The following CDH7 variants were observed in gnomAD, a reference collection of about 807,000 sequenced individuals.
The protein encoded by CDH7 is cadherin-7.
A neutral mutation model predicts 71.8 loss-of-function variants in CDH7; 25 were observed. That is an observed-to-expected ratio of 0.35 (90% CI 0.25 to 0.49). The LOEUF is 0.49. Among genes scored for constraint, CDH7 ranks in the 20% least tolerant of loss-of-function variants. The probability of loss-of-function intolerance (pLI) is 0.99; values close to 1 mark genes in which losing one functional copy is unlikely to be tolerated. For missense variants in CDH7, 862 were observed against 974.6 expected, an observed-to-expected ratio of 0.88 and a Z score of 1.54; for synonymous variants, 381 against 363.8, an observed-to-expected ratio of 1.05 and a Z score of -0.54.
chr18:65,848,941 G>A (rs1913031330), intron 7 of CDH7, among the ~76,000 whole-genome samples: 1 of 152,082 alleles, frequency 6.6e-6, no homozygotes, highest in African/African-American at 2.4e-5. Flanking sequence ...GAACATATTT[G>A]GGGTGTTTGA....
intron 4 of CDH7, among the ~76,000 whole-genome samples, chr18:65,818,920 C>T (rs1911817825): frequency 6.6e-6 from 1 of 152,146 alleles, no homozygotes; most frequent in Non-Finnish European, 1.5e-5. Flanking sequence ...ATGGCCATAC[C>T]AAATGGCTTT....
At chr18:65,806,509 C>T (rs1335958180) in intron 2 of CDH7, among the ~76,000 whole-genome samples, 1 of 152,040 alleles carries the variant, frequency 6.6e-6, no homozygotes, top group Non-Finnish European at 1.5e-5. Context: ...AGCACAAATA[C>T]TTGTCTTTGG....
In CDH7 at chr18:65,881,471, A is replaced by T. The variant is rs1464232088; in HGVS notation, c.*577A>T. On this transcript the variant is annotated 3_prime_UTR_variant, in exon 12 of 12. Coordinates refer to ENST00000397968, the MANE Select transcript of CDH7 (RefSeq NM_004361.5). ...TTCCCAGAAATTCCTTCCTAACTGA[A>T]AACCCTACCACAAAAGCCAGTAAAA... 2 of 152,200 alleles carry T rather than the reference A, an allele frequency of 1.3e-5. No individual in the cohort carries two copies. Among genetic ancestry groups the T allele is most frequent in the Non-Finnish European group, 2.9e-5 (2 of 68,036 alleles). 9.4% of individuals were successfully genotyped at this position (152,200 alleles called of 1,614,324 possible). A position where few individuals can be genotyped will look rare whatever the true frequency, so the allele number is the denominator to read the frequency against.
intron 7 of CDH7, among the ~76,000 whole-genome samples, chr18:65,849,344 C>CTTTCCT (rs201314236): frequency 0.045 from 664 of 14,824 alleles, 6 homozygotes; most frequent in South Asian, 0.054. Context: ...TTTCCTTTTT[C>CTTTCCT]TTTTCTTTTC....
At chr18:65,785,259 G>A (rs1599004233) in intron 2 of CDH7, among the ~76,000 whole-genome samples, 2 of 151,916 alleles carry the variant, frequency 1.3e-5, no homozygotes, top group African/African-American at 2.4e-5. Flanking sequence ...ATTATTAGGC[G>A]ATTCTCAAAT....
Position 65,880,820 on chromosome 18 carries a change from C to T in CDH7, c.2284C>T (p.Leu762=), listed in dbSNP as rs1415751119. 1 of 1,613,958 alleles carries T rather than the reference C, an allele frequency of 6.2e-7. No individual in the cohort carries two copies. The highest frequency in any genetic ancestry group is 2.2e-5 in the East Asian group (1 of 44,876). The change falls in exon 12 of 12, where the codon CTA becomes TTA. Residue 762 remains leucine (L), a synonymous_variant. Transcript: ENST00000397968. ...AAACTCTGATCAGAACTATGACTACCTAAGTGACTGGGGACCTCGCTTTAA... is the reference window on the plus strand; with the variant it reads ...AAACTCTGATCAGAACTATGACTACTTAAGTGACTGGGGACCTCGCTTTAA... ...SSNSDQNYDY[L]SDWGPRFKRL...
intron 1 of CDH7, among the ~76,000 whole-genome samples, chr18:65,757,652 G>A (rs1431141786): frequency 6.6e-6 from 1 of 151,984 alleles, no homozygotes; most frequent in Admixed American, 6.6e-5. Context: ...TACTCCCTGA[G>A]ACATCTGTGA....
Position 65,883,920 on chromosome 18 carries a change from A to T in CDH7, c.*3026A>T, listed in dbSNP as rs1315495612. 1.3e-5 allele frequency: 2 copies of T among 152,136 alleles called. No homozygotes were observed. The highest frequency in any genetic ancestry group is 1.9e-4 in the East Asian group (1 of 5,194). The allele number at this position is 152,136 out of a possible 1,614,324, so 9.4% of individuals were successfully genotyped here. ...AGACAGGGAGAGGAGTCACTTCTTT[A>T]TGGAAAACAATGGCTAAATTTCAAG... On this transcript the variant is annotated 3_prime_UTR_variant, in exon 12 of 12. Transcript: ENST00000397968.
At chr18:65,777,897 T>C (rs765726369) in intron 2 of CDH7, among the ~76,000 whole-genome samples, 3 of 152,166 alleles carry the variant, frequency 2.0e-5, no homozygotes, top group Non-Finnish European at 4.4e-5. Flanking sequence ...TTTCAGGGGC[T>C]AAATGAGTTT....
At chr18:65,750,494 AC>A (rs1915830486), upstream of CDH7, 1 of 151,808 alleles carries the variant, frequency 6.6e-6, no homozygotes, top group South Asian at 2.1e-4. Context: ...TCCTACTTTC[AC>A]CCCTCTTCTT....
Position 65,846,290 on chromosome 18 carries a change from C to T in CDH7, c.1235+2225C>T, listed in dbSNP as rs117531808. ...AAGTAAAAATCTCTGTGGTCTTTAT[C>T]AGTGAAAGAGTACCCACCCAGCACC... On this transcript the variant is annotated intron_variant, in intron 7 of 11. Coordinates refer to ENST00000397968, the MANE Select transcript of CDH7 (RefSeq NM_004361.5). 5.1e-4 allele frequency among the ~76,000 whole-genome samples: 78 copies of T among 152,084 alleles called. No homozygotes were observed. The East Asian group carries it at 0.011, about 22-fold the overall frequency.
rs1913279555 is a variant in CDH7, at chr18:65,854,517, T to TG, written c.1236-3299_1236-3298insG. On this transcript the variant is annotated intron_variant, in intron 7 of 11. Coordinates refer to ENST00000397968, the MANE Select transcript of CDH7 (RefSeq NM_004361.5). The stretch of plus-strand genomic sequence containing the variant: ...ATTAAATAAATTCTCAACTTTAATT[T>TG]TTTTTATTCTAACGCTAGGATCTTT... 2.6e-5 allele frequency among the ~76,000 whole-genome samples: 4 copies of TG among 151,964 alleles called. No homozygotes were observed. The South Asian group carries it at 8.3e-4, about 32-fold the overall frequency.
chr18:65,750,490 T>C (rs1296716718), upstream of CDH7: 2 of 152,246 alleles, frequency 1.3e-5, no homozygotes, highest in Non-Finnish European at 2.9e-5. Context: ...CCCCTCCTAC[T>C]TTCACCCCTC....
intron 4 of CDH7, among the ~76,000 whole-genome samples, chr18:65,820,411 C>T (rs986149729): frequency 3.9e-5 from 6 of 151,940 alleles, no homozygotes; most frequent in African/African-American, 1.5e-4. Flanking sequence ...ACAATTTTCT[C>T]TGTGTGTGTG....
chr18:65,876,437 T>A (rs1599069186), intron 11 of CDH7, among the ~76,000 whole-genome samples: 1 of 152,138 alleles, frequency 6.6e-6, no homozygotes, highest in East Asian at 1.9e-4. Context: ...TTAAAATATG[T>A]TTGTTCTTGG....
chr18:65,853,498 G>A (rs1254309840), intron 7 of CDH7, among the ~76,000 whole-genome samples: 1 of 150,996 alleles, frequency 6.6e-6, no homozygotes, highest in African/African-American at 2.4e-5. Flanking sequence ...TTTTTCTCAA[G>A]TGACTTTATA....
At chr18:65,854,811 ACAT>A (rs1913290202) in intron 7 of CDH7, among the ~76,000 whole-genome samples, 1 of 152,110 alleles carries the variant, frequency 6.6e-6, no homozygotes. Flanking sequence ...CTCTTATCAA[ACAT>A]TAATATCAGT....
At chr18:65,787,545 A>G (rs1194334889) in intron 2 of CDH7, among the ~76,000 whole-genome samples, 1 of 152,200 alleles carries the variant, frequency 6.6e-6, no homozygotes, top group Non-Finnish European at 1.5e-5. Flanking sequence ...CATTTGGTCT[A>G]AGTAATGAGG....
rs1914284046 is a variant in CDH7, at chr18:65,883,316, G to A, written c.*2422G>A. The A allele has an allele frequency of 6.6e-6, 1 of 151,788 alleles. No individual in the cohort carries two copies. Among genetic ancestry groups the A allele is most frequent in the African/African-American group, 2.4e-5 (1 of 41,362 alleles). 9.4% of individuals were successfully genotyped at this position (151,788 alleles called of 1,614,324 possible). ...GTAGTATTTATATGAAGTATTCTAA[G>A]CTTAATTGTAATAGTAGTAAATTTT... On this transcript the variant is annotated 3_prime_UTR_variant, in exon 12 of 12. Transcript: ENST00000397968.
Sources: gnomAD v4.1 joint callset for allele counts (sites outside exome capture counted in the v4.1 genomes callset) on GRCh38, gnomAD v4.1.1 for gene constraint, MANE v1.5 for transcripts, NCBI Gene and HGNC (gene_info 2026-07-23, HGNC 2026-07-21) for gene names.